The following GRM4 variants were observed in gnomAD, a reference collection of about 807,000 sequenced individuals.
GRM4 encodes the protein metabotropic glutamate receptor 4.
A neutral mutation model predicts 81.7 loss-of-function variants in GRM4; 28 were observed. The observed-to-expected ratio is 0.34, with a 90% CI of 0.25 to 0.47. The LOEUF (loss-of-function observed/expected upper bound fraction) is 0.47. Among genes scored for constraint, GRM4 ranks in the 20% least tolerant of loss-of-function variants. GRM4 has a pLI of 1.00. For missense variants in GRM4, 948 were observed against 1,290.0 expected, an observed-to-expected ratio of 0.73 and a Z score of 4.06; for synonymous variants, 488 against 528.8, an observed-to-expected ratio of 0.92 and a Z score of 1.06.
intron 2 of GRM4, among the ~76,000 whole-genome samples, chr6:34,131,942 T>C (rs944904316): frequency 6.6e-6 from 1 of 151,308 alleles, no homozygotes; most frequent in Admixed American, 6.6e-5. Flanking sequence ...CTCCCCTCCC[T>C]ACACACACAA....
Position 34,034,528 on chromosome 6 carries a change from C to T in GRM4, c.2442+1140G>A, listed in dbSNP as rs76142419. On this transcript the variant is annotated intron_variant, in intron 9 of 10. Transcript: ENST00000538487. The surrounding 1 kb of genome is among the most constrained non-coding windows in gnomAD (Gnocchi z 4.0). Reference sequence around the variant, plus strand: ...CCCTCACCTGCTCAGAAGCCTGCAGCGGCCTCTCTTCTCACTCATGGTAAA... The same window carrying T: ...CCCTCACCTGCTCAGAAGCCTGCAGTGGCCTCTCTTCTCACTCATGGTAAA... 6.0e-3 allele frequency among the ~76,000 whole-genome samples: 917 copies of T among 152,330 alleles called. 6 individuals are homozygous for T. Among genetic ancestry groups the T allele is most frequent in the African/African-American group, 0.021 (854 of 41,576 alleles).
intron 2 of GRM4, among the ~76,000 whole-genome samples, chr6:34,116,579 T>C (rs992672941): frequency 2.0e-5 from 3 of 152,088 alleles, no homozygotes; most frequent in African/African-American, 7.2e-5. Flanking sequence ...GGCAAGAAGG[T>C]ACAGTCTCTT....
At chr6:34,073,098 CCA>C (rs1355497990) in intron 3 of GRM4, among the ~76,000 whole-genome samples, 8 of 4,144 alleles carry the variant, frequency 1.9e-3, no homozygotes, top group Middle Eastern at 0.071. Flanking sequence ...CAGATACACA[CCA>C]CACACACACA....
In GRM4 at chr6:34,155,452, G is replaced by A. The variant is rs1164760492; in HGVS notation, c.-62C>T. On this transcript the variant is annotated 5_prime_UTR_variant, in exon 1 of 9. Transcript: ENST00000374177. ...TGACAGGCCGGCGGTTCGCAACCTCGACGCACATTGGAGTTACCTAGAGAG... is the reference window on the plus strand; with the variant it reads ...TGACAGGCCGGCGGTTCGCAACCTCAACGCACATTGGAGTTACCTAGAGAG... 3.4e-5 allele frequency: 38 copies of A among 1,110,694 alleles called. No individual in the cohort carries two copies. The East Asian group carries it at 9.0e-4, about 26-fold the overall frequency. The allele number at this position is 1,110,694 out of a possible 1,614,324, so 68.8% of individuals were successfully genotyped here.
At position 34,040,247 on chromosome 6, in the gene GRM4, T is replaced by C. The variant is rs368666894; in HGVS notation, c.1437A>G (p.Gln479=). The change falls in exon 8 of 11, where the codon CAA becomes CAG. Residue 479 remains glutamine (Q), a synonymous_variant. Coordinates refer to ENST00000538487, the MANE Select transcript of GRM4 (RefSeq NM_000841.4). ...GDAPGRYDIY[Q]YQLRNDSAEY... ...CGGCAGAATCGTTGCGCAGCTGGTA[T>C]TGGTAGATGTCATAGCGCCCAGGCG... The C allele has an allele frequency of 6.8e-6, 11 of 1,614,008 alleles. No homozygotes were observed. In the African/African-American group the frequency reaches 1.5e-4, roughly 22 times the overall value.
Position 34,092,425 on chromosome 6 carries a change from G to T in GRM4, c.520-326C>A, listed in dbSNP as rs949415876. On this transcript the variant is annotated intron_variant, in intron 2 of 10. Transcript: ENST00000538487. This position sits in a 1 kb window ranked among gnomAD's most constrained non-coding sequence, Gnocchi z 6.8. ...CAGCCCAGGGAAAATCCCCACATAC[G>T]TGAGATGATTCAGCCTGGGGATGGG... Among the ~76,000 whole-genome samples the T allele has an allele frequency of 1.3e-5, 2 of 152,174 alleles. No homozygotes were observed. Among genetic ancestry groups the T allele is most frequent in the Non-Finnish European group, 2.9e-5 (2 of 68,020 alleles).
chr6:34,060,993 G>C (rs1317227481), intron 4 of GRM4: 1 of 152,456 alleles, frequency 6.6e-6, no homozygotes, highest in East Asian at 1.9e-4. Flanking sequence ...CAACTCTGGA[G>C]TCCAGGTTAG....
intron 6 of GRM4, among the ~76,000 whole-genome samples, chr6:34,053,577 C>T (rs555348649): frequency 6.6e-6 from 1 of 152,344 alleles, no homozygotes; most frequent in East Asian, 1.9e-4. Context: ...CGTCTAGAGC[C>T]CCTGCCCTTT....
intron 2 of GRM4, among the ~76,000 whole-genome samples, chr6:34,122,966 C>T (rs75084855): frequency 7.2e-5 from 11 of 152,244 alleles, no homozygotes. Flanking sequence ...GGACACGGCC[C>T]GAGCAGGGCC....
rs1364121198 is a variant in GRM4 at position 34,070,423 on chromosome 6, G to T, written c.737-8395C>A. The stretch of plus-strand genomic sequence containing the variant: ...AGCAAGTGAAGAAAGGTGCATGCTG[G>T]CTGTGCAAAGGCACCGGGTCACAAG... On this transcript the variant is annotated intron_variant, in intron 3 of 10. Coordinates refer to ENST00000538487, the MANE Select transcript of GRM4 (RefSeq NM_000841.4). The surrounding 1 kb of genome is among the most constrained non-coding windows in gnomAD (Gnocchi z 4.6). Among the ~76,000 whole-genome samples, 1 of 152,072 alleles carries T rather than the reference G, an allele frequency of 6.6e-6. No individual in the cohort carries two copies. The highest frequency in any genetic ancestry group is 2.4e-5 in the African/African-American group (1 of 41,380).
At chr6:34,023,880 C>T (rs943805513) in intron 10 of GRM4, among the ~76,000 whole-genome samples, 1 of 152,238 alleles carries the variant, frequency 6.6e-6, no homozygotes, top group Non-Finnish European at 1.5e-5. Context: ...GGGTTTAGGG[C>T]CTCCCTCAGT....
chr6:34,115,991 A>G lies in GRM4; in HGVS notation c.519+16987T>C, dbSNP rs545709177. On this transcript the variant is annotated intron_variant, in intron 2 of 10. Coordinates refer to ENST00000538487, the MANE Select transcript of GRM4 (RefSeq NM_000841.4). This position sits in a 1 kb window ranked among gnomAD's most constrained non-coding sequence, Gnocchi z 4.1. The stretch of plus-strand genomic sequence containing the variant: ...GGTTTTCTGCGGCCTCGCCACCCCT[A>G]TCCAACCTGGAAATCCCTGATTCTG... 2.6e-5 allele frequency among the ~76,000 whole-genome samples: 4 copies of G among 152,296 alleles called. No homozygotes were observed. The East Asian group carries it at 5.8e-4, about 22-fold the overall frequency.
At chr6:34,107,130 G>T (rs1182160930) in intron 2 of GRM4, among the ~76,000 whole-genome samples, 1 of 152,220 alleles carries the variant, frequency 6.6e-6, no homozygotes, top group African/African-American at 2.4e-5. Context: ...GAAGCCAGGG[G>T]TGAGAAGGAC....
intron 2 of GRM4, among the ~76,000 whole-genome samples, chr6:34,113,512 G>T (rs2127500303): frequency 6.6e-6 from 1 of 152,338 alleles, no homozygotes; most frequent in East Asian, 1.9e-4. Flanking sequence ...AAGGAAAACA[G>T]ATGCGGGTCC....
At chr6:34,119,256 C>T (rs959109871) in intron 2 of GRM4, among the ~76,000 whole-genome samples, 2 of 152,154 alleles carry the variant, frequency 1.3e-5, no homozygotes, top group Non-Finnish European at 2.9e-5. Flanking sequence ...ATTAGCCAGG[C>T]ATGGTGGCGG....
At chr6:34,075,137 C>A (rs535582841) in intron 3 of GRM4, among the ~76,000 whole-genome samples, 91 of 152,004 alleles carry the variant, frequency 6.0e-4, no homozygotes, top group African/African-American at 2.1e-3. Context: ...GAGCAGGGCC[C>A]TCAGCCTGAC....
At chr6:34,058,223 A>G (rs1349471298) in intron 5 of GRM4, among the ~76,000 whole-genome samples, 1 of 152,074 alleles carries the variant, frequency 6.6e-6, no homozygotes, top group Non-Finnish European at 1.5e-5. Context: ...GGGCCTCTGG[A>G]CAGGTATGGG....
intron 6 of GRM4, 88 bp downstream of exon 6, chr6:34,056,456 A>T: frequency 5.7e-6 from 7 of 1,227,142 alleles, no homozygotes. Context: ...CGACAGACAA[A>T]GGGAGACTCT....
chr6:34,141,702 G>A (rs1307208241), intron 1 of GRM4, among the ~76,000 whole-genome samples: 9 of 151,946 alleles, frequency 5.9e-5, no homozygotes, highest in Admixed American at 5.9e-4. Context: ...GGGCAGGGCC[G>A]CGGGGTGGGC....
Sources: gnomAD v4.1 joint callset for allele counts (sites outside exome capture counted in the v4.1 genomes callset) on GRCh38, gnomAD v4.1.1 for gene constraint, Gnocchi (gnomAD v3.1) non-coding constraint, MANE v1.5 for transcripts, NCBI Gene and HGNC (gene_info 2026-07-23, HGNC 2026-07-21) for gene names.